TRIM67: variants seen among roughly 807,000 people sequenced by gnomAD.
TRIM67 encodes tripartite motif-containing protein 67.
Under a neutral mutation model 71.0 loss-of-function variants are expected in TRIM67, and 39 were observed. The ratio of observed to expected loss-of-function variants is 0.55; its 90% CI spans 0.43 to 0.72. The LOEUF is 0.72. Among genes scored for constraint, TRIM67 ranks in the 30% least tolerant of loss-of-function variants. TRIM67 has a pLI of 0.00. For synonymous variants in TRIM67, 481 were observed against 473.9 expected (o/e 1.01, Z -0.19); for missense variants, 973 against 1,079.2 (o/e 0.90, Z 1.38).
At position 231,219,768 on chromosome 1, in the gene TRIM67, T is replaced by C. The variant is rs1012194730; in HGVS notation, c.*4328T>C. ...TGGTGATGCTGGAAAATTTCAGGAC[T>C]TTTCTTTTGCAAGTGAGCCGGTAGC... On this transcript the variant is annotated 3_prime_UTR_variant, in exon 10 of 10. Transcript: ENST00000366653. 1 of 1,211,114 alleles carries C rather than the reference T, an allele frequency of 8.3e-7. No individual in the cohort carries two copies. Among genetic ancestry groups the C allele is most frequent in the Non-Finnish European group, 1.0e-6 (1 of 953,910 alleles). 75.0% of individuals were successfully genotyped at this position (1,211,114 alleles called of 1,614,324 possible).
intron 1 of TRIM67, among the ~76,000 whole-genome samples, chr1:231,188,482 G>A (rs1683145347): frequency 6.6e-6 from 1 of 152,166 alleles, no homozygotes. Context: ...GAAGATGGTG[G>A]GTGGTCTCAG....
chr1:231,174,045 C>T (rs1014191911), intron 1 of TRIM67, among the ~76,000 whole-genome samples: 1 of 152,008 alleles, frequency 6.6e-6, no homozygotes, highest in Non-Finnish European at 1.5e-5. Flanking sequence ...CTCTCTTTCT[C>T]TTTCTCTCTC....
chr1:231,181,190 T>C (rs1682897029), intron 1 of TRIM67, among the ~76,000 whole-genome samples: 1 of 152,172 alleles, frequency 6.6e-6, no homozygotes, highest in Non-Finnish European at 1.5e-5. Context: ...GGTCTCGATG[T>C]CTTGACATCG....
Position 231,219,336 on chromosome 1 carries a change from G to A in TRIM67, c.*3896G>A. On this transcript the variant is annotated 3_prime_UTR_variant, in exon 10 of 10. Coordinates refer to ENST00000366653, the MANE Select transcript of TRIM67 (RefSeq NM_001004342.5). Reference sequence around the variant, plus strand: ...TCGACATTGCTAGGTATCTCCTGGGGGCCTCCACAAGTTGAGAACCACCAG... The same window carrying A: ...TCGACATTGCTAGGTATCTCCTGGGAGCCTCCACAAGTTGAGAACCACCAG... 1.0e-6 allele frequency: 1 copy of A among 986,972 alleles called. No homozygotes were observed. The highest frequency in any genetic ancestry group is 1.2e-6 in the Non-Finnish European group (1 of 831,022). The allele number at this position is 986,972 out of a possible 1,614,324, so 61.1% of individuals were successfully genotyped here.
At chr1:231,190,243 G>C (rs949168772) in intron 1 of TRIM67, among the ~76,000 whole-genome samples, 1 of 152,220 alleles carries the variant, frequency 6.6e-6, no homozygotes, top group African/African-American at 2.4e-5. Flanking sequence ...TGTTGACAGA[G>C]TCGTGGCAGC....
At chr1:231,188,693 G>A (rs1683152434) in intron 1 of TRIM67, among the ~76,000 whole-genome samples, 1 of 152,194 alleles carries the variant, frequency 6.6e-6, no homozygotes. Flanking sequence ...TCGAGCCCAT[G>A]CTCCCTTCTG....
intron 1 of TRIM67, among the ~76,000 whole-genome samples, chr1:231,169,993 C>CTTTTTTTTTTT (rs369558747): frequency 1.5e-5 from 2 of 136,136 alleles, no homozygotes; most frequent in African/African-American, 6.5e-5. Flanking sequence ...TTCTTTCTCT[C>CTTTTTTTTTTT]TTTTTTTTTT....
intron 1 of TRIM67, among the ~76,000 whole-genome samples, chr1:231,192,896 T>G (rs562880760): frequency 1.3e-5 from 2 of 152,342 alleles, no homozygotes; most frequent in African/African-American, 4.8e-5. Flanking sequence ...CAGCCAGGCA[T>G]TAGCCTGCGG....
intron 1 of TRIM67, among the ~76,000 whole-genome samples, chr1:231,193,551 C>CTCTCTCT (rs1328185494): frequency 8.8e-5 from 3 of 34,174 alleles, no homozygotes; most frequent in Non-Finnish European, 1.5e-4. Flanking sequence ...TCTCTCTCTC[C>CTCTCTCT]TCTTGGTGCA....
chr1:231,217,136 A>G lies in TRIM67; in HGVS notation c.*1696A>G. The G allele has an allele frequency of 3.0e-6, 3 of 985,774 alleles. No individual in the cohort carries two copies. The highest frequency in any genetic ancestry group is 3.6e-6 in the Non-Finnish European group (3 of 829,968). 61.1% of individuals were successfully genotyped at this position (985,774 alleles called of 1,614,324 possible). On this transcript the variant is annotated 3_prime_UTR_variant, in exon 10 of 10. Coordinates refer to ENST00000366653, the MANE Select transcript of TRIM67 (RefSeq NM_001004342.5). ...CCCCCTCCACTCAGCAGGCCCGACA[A>G]TCCTACCTCAAAGCTCATGCTCTTG...
rs757894294 is a variant in TRIM67 at position 231,163,073 on chromosome 1, C to A, written c.104C>A (p.Ala35Glu). 5 of 1,598,630 alleles carry A rather than the reference C, an allele frequency of 3.1e-6. No individual in the cohort carries two copies. Among genetic ancestry groups the A allele is most frequent in the Admixed American group, 3.5e-5 (2 of 57,744 alleles). Residue 35 changes from alanine to glutamate, a missense_variant, in exon 1 of 10, where the codon GCG (alanine) becomes GAG (glutamate). Transcript: ENST00000366653. ...TGCCTGCCTTGCGCTCGCACCATCG[C>A]GGTGCAGACCCCGGACGGTGAGCAG... ...NVCLPCARTI[A>E]VQTPDGEQHL...
intron 1 of TRIM67, among the ~76,000 whole-genome samples, chr1:231,178,095 C>T (rs550123554): frequency 1.3e-5 from 2 of 152,252 alleles, no homozygotes; most frequent in Non-Finnish European, 2.9e-5. Context: ...GCCATCCATG[C>T]TCATTAGCAT....
At position 231,206,722 on chromosome 1, in the gene TRIM67, G is replaced by A. The variant is rs201556896; in HGVS notation, c.1751G>A (p.Arg584Gln). 3.1e-4 allele frequency: 494 copies of A among 1,611,512 alleles called. 3 individuals carry two copies. In the South Asian group the frequency reaches 3.4e-3, roughly 11 times the overall value. ...CACTTCAACAGCACCTACAACGCCC[G>A]AGTCAAAGCTTTCAACTCTTCTGGT... ...GLHFNSTYNA[R>Q]VKAFNSSGVG... Residue 584 changes from arginine (R) to glutamine (Q), a missense_variant, in exon 7 of 10, where the codon CGA becomes CAA. Physicochemically the swap from Arg to Gln is conservative, Grantham distance 43. Coordinates refer to ENST00000366653, the MANE Select transcript of TRIM67 (RefSeq NM_001004342.5).
rs930253441 is a variant in TRIM67, at chr1:231,209,780, C to T, written c.2123+530C>T. Among the ~76,000 whole-genome samples, 6 of 152,196 alleles carry T rather than the reference C, an allele frequency of 3.9e-5. No individual in the cohort carries two copies. Among genetic ancestry groups the T allele is most frequent in the African/African-American group, 1.2e-4 (5 of 41,454 alleles). ...GCATGGCTGGGGTGCTCACTACTAA[C>T]GAGCCTGCCAAGGGTGCCCACAGCT... is the stretch of plus-strand genomic sequence containing the variant. On this transcript the variant is annotated intron_variant, in intron 8 of 9. Transcript: ENST00000366653. The surrounding 1 kb of genome is among the most constrained non-coding windows in gnomAD (Gnocchi z 4.1).
intron 1 of TRIM67, among the ~76,000 whole-genome samples, chr1:231,193,804 C>A (rs759626950): frequency 6.6e-6 from 1 of 152,020 alleles, no homozygotes; most frequent in Non-Finnish European, 1.5e-5. Context: ...AGGGAGCTGC[C>A]AGGCTCTGTT....
chr1:231,164,047 G>A, intron 1 of TRIM67, 34 bp downstream of exon 1: 1 of 1,466,422 alleles, frequency 6.8e-7, no homozygotes, highest in South Asian at 1.4e-5. Context: ...GCAGGTGCCA[G>A]GGAAGAGGGT....
At chr1:231,166,776 C>G (rs1462440626) in intron 1 of TRIM67, among the ~76,000 whole-genome samples, 1 of 152,114 alleles carries the variant, frequency 6.6e-6, no homozygotes, top group African/African-American at 2.4e-5. Flanking sequence ...AGATTATCAC[C>G]TTTTAAAAGC....
rs546170131 is a variant in TRIM67, at chr1:231,197,831, A to AAAGAAG, written c.1140+381_1140+386dup. 4.6e-3 allele frequency among the ~76,000 whole-genome samples: 691 copies of AAAGAAG among 150,342 alleles called. 2 individuals carry two copies. The highest frequency in any genetic ancestry group is 7.6e-3 in the Non-Finnish European group (516 of 67,618). ...CAAGAGAGAAAGTCTGTCTCAAAGA[A>AAAGAAG]AAGAAGAAGAAGAAGAAGAAGGAGA... On this transcript the variant is annotated intron_variant, in intron 2 of 9. Transcript: ENST00000366653.
rs1480486509 is a variant in TRIM67, at chr1:231,220,140, AT to A, written c.*4702del. The A allele has an allele frequency of 2.4e-6, 1 of 415,934 alleles. No individual in the cohort carries two copies. The highest frequency in any genetic ancestry group is 4.4e-6 in the Non-Finnish European group (1 of 227,652). The allele number at this position is 415,934 out of a possible 1,614,324, so 25.8% of individuals were successfully genotyped here. On this transcript the variant is annotated 3_prime_UTR_variant, in exon 10 of 10. Transcript: ENST00000366653. ...TTCATCTCTGGCATCTAAGCTAATG[AT>A]TCCCATTCAGTGACTCAAACCTGTG...
Sources: gnomAD v4.1 joint callset for allele counts (sites outside exome capture counted in the v4.1 genomes callset) on GRCh38, gnomAD v4.1.1 for gene constraint, Gnocchi (gnomAD v3.1) non-coding constraint, MANE v1.5 for transcripts, NCBI Gene and HGNC (gene_info 2026-07-23, HGNC 2026-07-21) for gene names.